KIRREL3: variants seen among roughly 807,000 people sequenced by gnomAD.
KIRREL3 encodes the protein kirre like nephrin family adhesion molecule 3.
KIRREL3 carries 36 observed loss-of-function variants against 89.7 expected under a neutral mutation model. That is an observed-to-expected ratio of 0.40 (90% CI 0.31 to 0.53). The LOEUF (loss-of-function observed/expected upper bound fraction) is 0.53, where lower values mean the gene tolerates loss of function less well. KIRREL3 is among the 20% of genes least tolerant of loss of function. KIRREL3 has a pLI of 0.49. For missense variants in KIRREL3, 864 were observed against 1,056.6 expected (o/e 0.82, Z 2.53); for synonymous variants, 445 against 441.4 (o/e 1.01, Z -0.10).
At position 126,432,181 on chromosome 11, in the gene KIRREL3, G is replaced by C. The variant is rs1409037120; in HGVS notation, c.1589-655C>G. On this transcript the variant is annotated intron_variant, in intron 13 of 16. Transcript: ENST00000525144. This position sits in a 1 kb window ranked among gnomAD's most constrained non-coding sequence, Gnocchi z 6.2. Reference sequence around the variant, plus strand: ...GAGGCCCCTTTCCCTCCATCTCCAGGTCTGCAGCTTCTCCCTCAAGGCTGC... The same window carrying C: ...GAGGCCCCTTTCCCTCCATCTCCAGCTCTGCAGCTTCTCCCTCAAGGCTGC... 6.6e-6 allele frequency among the ~76,000 whole-genome samples: 1 copy of C among 151,982 alleles called. No homozygotes were observed. The highest frequency in any genetic ancestry group is 2.4e-5 in the African/African-American group (1 of 41,384).
At chr11:126,804,005 G>A (rs1304031414) in intron 1 of KIRREL3, among the ~76,000 whole-genome samples, 1 of 152,220 alleles carries the variant, frequency 6.6e-6, no homozygotes, top group Non-Finnish European at 1.5e-5. Flanking sequence ...TTGTGGTTAT[G>A]CATGTGTCTA....
intron 5 of KIRREL3, among the ~76,000 whole-genome samples, chr11:126,467,348 T>C (rs1337964342): frequency 6.6e-6 from 1 of 152,178 alleles, no homozygotes; most frequent in Non-Finnish European, 1.5e-5. Context: ...TTGTACACAG[T>C]GTACCCCACC....
intron 1 of KIRREL3, among the ~76,000 whole-genome samples, chr11:126,927,264 A>G: frequency 6.6e-6 from 1 of 152,312 alleles, no homozygotes; most frequent in South Asian, 2.1e-4. Context: ...ACATGCATAC[A>G]TGCACACACA....
intron 1 of KIRREL3, among the ~76,000 whole-genome samples, chr11:126,913,089 C>T (rs1028500284): frequency 6.6e-6 from 1 of 152,226 alleles, no homozygotes; most frequent in South Asian, 2.1e-4. Flanking sequence ...GATTAGAACG[C>T]TGCTGTTCTG....
At position 126,970,187 on chromosome 11, in the gene KIRREL3, A is replaced by G. The variant is rs1377985139; in HGVS notation, c.55+30268T>C. On this transcript the variant is annotated intron_variant, in intron 1 of 16. Transcript: ENST00000525144. This position sits in a 1 kb window ranked among gnomAD's most constrained non-coding sequence, Gnocchi z 4.4. Reference sequence around the variant, plus strand: ...TTCTTCTTTCAGTTTTTCGCTCTTCACAGCTCAGTTAATTCCACTTAAGAC... The same window carrying G: ...TTCTTCTTTCAGTTTTTCGCTCTTCGCAGCTCAGTTAATTCCACTTAAGAC... Among the ~76,000 whole-genome samples the G allele has an allele frequency of 1.3e-5, 2 of 152,180 alleles. No individual in the cohort carries two copies. Among genetic ancestry groups the G allele is most frequent in the African/African-American group, 4.8e-5 (2 of 41,448 alleles).
chr11:126,751,665 A>T (rs903256373), intron 1 of KIRREL3, among the ~76,000 whole-genome samples: 1 of 151,694 alleles, frequency 6.6e-6, no homozygotes. Context: ...ATTCTTTTTG[A>T]GGAAAAAAAA....
In KIRREL3 at chr11:126,656,084, T is replaced by C; in HGVS notation, c.56-93172A>G. 2.2e-6 allele frequency: 1 copy of C among 454,708 alleles called. No individual in the cohort carries two copies. Among genetic ancestry groups the C allele is most frequent in the Non-Finnish European group, 4.4e-6 (1 of 226,126 alleles). 28.2% of individuals were successfully genotyped at this position (454,708 alleles called of 1,614,324 possible). ...GTGGATTCACTAGATTCTGGGACTA[T>C]ACCTTATCTATGCTGTGCAAAGGAA... On this transcript the variant is annotated intron_variant, in intron 1 of 16. Transcript: ENST00000525144. The surrounding 1 kb of genome is among the most constrained non-coding windows in gnomAD (Gnocchi z 4.0).
chr11:126,899,009 TG>T (rs111707645), intron 1 of KIRREL3, among the ~76,000 whole-genome samples: 1 of 149,534 alleles, frequency 6.7e-6, no homozygotes. Flanking sequence ...CAGGGGAGTT[TG>T]GGGGGGGTCT....
rs1565634749 is a variant in KIRREL3, at chr11:126,668,737, CTTT to C, written c.56-105828_56-105826del. Among the ~76,000 whole-genome samples the C allele has an allele frequency of 1.7e-5, 2 of 118,320 alleles. No individual in the cohort carries two copies. Among genetic ancestry groups the C allele is most frequent in the Non-Finnish European group, 3.7e-5 (2 of 53,664 alleles). 77.6% of individuals were successfully genotyped at this position (118,320 alleles called of 152,430 possible). ...TCTTTCTTTCTTTCTTTCTTTCTTTCTTTCTTTCTTTCTTTCTTTTTTCTCTTT... is the reference window on the plus strand; with the variant it reads ...TCTTTCTTTCTTTCTTTCTTTCTTTCCTTTCTTTCTTTCTTTTTTCTCTTT... On this transcript the variant is annotated intron_variant, in intron 1 of 16. Coordinates refer to ENST00000525144, the MANE Select transcript of KIRREL3 (RefSeq NM_032531.4). The surrounding 1 kb of genome is among the most constrained non-coding windows in gnomAD (Gnocchi z 4.4).
At chr11:127,001,486 C>G (rs534512572), upstream of KIRREL3, among the ~76,000 whole-genome samples, 1 of 152,236 alleles carries the variant, frequency 6.6e-6, no homozygotes, top group Non-Finnish European at 1.5e-5. Context: ...AGGGGAGCAG[C>G]CTGTCTTTGC....
In KIRREL3 at chr11:126,550,613, A is replaced by C. The variant is rs1939180026; in HGVS notation, c.133+12222T>G. On this transcript the variant is annotated intron_variant, in intron 2 of 16. Transcript: ENST00000525144. The surrounding 1 kb of genome is among the most constrained non-coding windows in gnomAD (Gnocchi z 4.9). ...CAGTGAGCTGAGATCATGCCATTGC[A>C]TTCCAGCCTGGGCAACAAGAGCGAA... 6.6e-6 allele frequency: 1 copy of C among 152,142 alleles called. No individual in the cohort carries two copies. The allele number at this position is 152,142 out of a possible 1,614,324, so 9.4% of individuals were successfully genotyped here.
chr11:126,835,420 A>C (rs1009542388), intron 1 of KIRREL3, among the ~76,000 whole-genome samples: 5 of 152,244 alleles, frequency 3.3e-5, no homozygotes, highest in African/African-American at 1.2e-4. Flanking sequence ...GCCAGAAAAG[A>C]AAAGCAGAGC....
Position 126,771,254 on chromosome 11 carries a change from T to C in KIRREL3, c.56-208342A>G, listed in dbSNP as rs1351552469. On this transcript the variant is annotated intron_variant, in intron 1 of 16. Transcript: ENST00000525144. The surrounding 1 kb of genome is among the most constrained non-coding windows in gnomAD (Gnocchi z 4.4). ...AAGGAAGGGAATTTTATTCCCTTAC[T>C]GTTTTTTTTTTTAAACAGATGAGGA... Among the ~76,000 whole-genome samples, 1 of 147,068 alleles carries C rather than the reference T, an allele frequency of 6.8e-6. No homozygotes were observed. Among genetic ancestry groups the C allele is most frequent in the Non-Finnish European group, 1.5e-5 (1 of 67,110 alleles).
At chr11:126,494,876 G>A (rs937999931) in intron 4 of KIRREL3, among the ~76,000 whole-genome samples, 6 of 152,212 alleles carry the variant, frequency 3.9e-5, no homozygotes, top group African/African-American at 1.4e-4. Flanking sequence ...CTCATCCATC[G>A]GGACCCCTGT....
At chr11:126,632,184 C>G (rs1209804716) in intron 1 of KIRREL3, among the ~76,000 whole-genome samples, 1 of 152,238 alleles carries the variant, frequency 6.6e-6, no homozygotes, top group Non-Finnish European at 1.5e-5. Flanking sequence ...TGGTCTCACA[C>G]TTTGAGGACC....
At position 126,614,966 on chromosome 11, in the gene KIRREL3, G is replaced by A. The variant is rs1943283142; in HGVS notation, c.56-52054C>T. On this transcript the variant is annotated intron_variant, in intron 1 of 16. Coordinates refer to ENST00000525144, the MANE Select transcript of KIRREL3 (RefSeq NM_032531.4). This position sits in a 1 kb window ranked among gnomAD's most constrained non-coding sequence, Gnocchi z 4.6. ...GCTTATTATTTTTCGAGTGGAACTG[G>A]GACTGTTTAGCCTAGAAAAGGGGGG... Among the ~76,000 whole-genome samples, 1 of 152,104 alleles carries A rather than the reference G, an allele frequency of 6.6e-6. No homozygotes were observed. Among genetic ancestry groups the A allele is most frequent in the South Asian group, 2.1e-4 (1 of 4,814 alleles).
At chr11:126,919,102 T>C (rs1019777286) in intron 1 of KIRREL3, among the ~76,000 whole-genome samples, 1 of 151,996 alleles carries the variant, frequency 6.6e-6, no homozygotes, top group Non-Finnish European at 1.5e-5. Context: ...TAACATCAAC[T>C]TAGGTTTTCA....
At position 126,844,684 on chromosome 11, in the gene KIRREL3, C is replaced by T. The variant is rs180756187; in HGVS notation, c.55+155771G>A. ...AGAGGCCTCTCTTGGTAAAGTCTCTCTCAGCTAAGAATGGGTTTGGCACTA... is the reference window on the plus strand; with the variant it reads ...AGAGGCCTCTCTTGGTAAAGTCTCTTTCAGCTAAGAATGGGTTTGGCACTA... On this transcript the variant is annotated intron_variant, in intron 1 of 16. Coordinates refer to ENST00000525144, the MANE Select transcript of KIRREL3 (RefSeq NM_032531.4). This position sits in a 1 kb window ranked among gnomAD's most constrained non-coding sequence, Gnocchi z 4.8. 6.6e-6 allele frequency among the ~76,000 whole-genome samples: 1 copy of T among 152,276 alleles called. No individual in the cohort carries two copies. Among genetic ancestry groups the T allele is most frequent in the East Asian group, 1.9e-4 (1 of 5,174 alleles).
chr11:126,828,012 T>C (rs1943476522), intron 1 of KIRREL3, among the ~76,000 whole-genome samples: 1 of 152,198 alleles, frequency 6.6e-6, no homozygotes, highest in Admixed American at 6.5e-5. Context: ...TGACACAGTT[T>C]CTCATCTGTA....
Sources: gnomAD v4.1 joint callset for allele counts (sites outside exome capture counted in the v4.1 genomes callset) on GRCh38, gnomAD v4.1.1 for gene constraint, Gnocchi (gnomAD v3.1) non-coding constraint, MANE v1.5 for transcripts, NCBI Gene and HGNC (gene_info 2026-07-23, HGNC 2026-07-21) for gene names.